The following METAP1D variants were observed in gnomAD, a reference collection of about 807,000 sequenced individuals.
METAP1D encodes methionine aminopeptidase 1D, mitochondrial.
In METAP1D, 31 loss-of-function variants were observed where a neutral mutation model predicts 40.5. The observed-to-expected ratio is 0.77, with a 90% CI of 0.58 to 1.03. The LOEUF is 1.03. METAP1D is among the 50% of genes least tolerant of loss of function. The pLI, the probability that METAP1D is intolerant of heterozygous loss-of-function variation, is 0.00. For synonymous variants in METAP1D, 151 were observed against 146.4 expected, an observed-to-expected ratio of 1.03 and a Z score of -0.22; for missense variants, 411 against 420.7, an observed-to-expected ratio of 0.98 and a Z score of 0.20.
At chr2:172,013,265 C>A (rs1431189456) in intron 1 of METAP1D, among the ~76,000 whole-genome samples, 1 of 152,178 alleles carries the variant, frequency 6.6e-6, no homozygotes, top group Non-Finnish European at 1.5e-5. Flanking sequence ...TTCAGGTCCA[C>A]CCCCTCCTGC....
In METAP1D at chr2:172,000,007, G is replaced by A; in HGVS notation, c.38G>A (p.Arg13Lys). 1 of 1,336,880 alleles carries A rather than the reference G, an allele frequency of 7.5e-7. No homozygotes were observed. Among genetic ancestry groups the A allele is most frequent in the South Asian group, 1.9e-5 (1 of 51,908 alleles). 82.8% of individuals were successfully genotyped at this position (1,336,880 alleles called of 1,614,324 possible). The stretch of plus-strand genomic sequence containing the variant: ...AGTGGCGTCCACCTGCTCGTCCGCA[G>A]AGGTAAGCGCGTGGAGGAGAGCCCC... ...APSGVHLLVRRGSHRIFSSPL... is the reference protein window; with the variant it reads ...APSGVHLLVRKGSHRIFSSPL... Residue 13 changes from arginine to lysine, a missense_variant and splice_region_variant, in exon 1 of 10, where the codon AGA (arginine) becomes AAA (lysine). Transcript: ENST00000315796.
chr2:172,041,952 C>T (rs1490654406), intron 1 of METAP1D, among the ~76,000 whole-genome samples: 3 of 120,726 alleles, frequency 2.5e-5, no homozygotes, highest in African/African-American at 8.1e-5. Context: ...AGGTGCCCAC[C>T]ACTATGCCCA....
At chr2:172,028,510 T>C (rs1014722110) in intron 1 of METAP1D, among the ~76,000 whole-genome samples, 10 of 151,884 alleles carry the variant, frequency 6.6e-5, no homozygotes, top group African/African-American at 2.4e-4. Flanking sequence ...AGACTTTTTT[T>C]CCTACACATG....
rs536963946 is a variant in METAP1D at position 172,023,038 on chromosome 2, A to G, written c.40+23029A>G. Among the ~76,000 whole-genome samples the G allele has an allele frequency of 2.0e-5, 3 of 152,304 alleles. No homozygotes were observed. The East Asian group carries it at 5.8e-4, about 29-fold the overall frequency. On this transcript the variant is annotated intron_variant, in intron 1 of 9. Transcript: ENST00000315796. ...CTCGTCTCTACTAAAAATACAAAAA[A>G]TTAGCTGGGCGTGGTGGCACATGCC...
chr2:172,027,840 G>T (rs148608494), intron 1 of METAP1D, among the ~76,000 whole-genome samples: 86 of 152,248 alleles, frequency 5.6e-4, no homozygotes, highest in Non-Finnish European at 1.0e-3. Flanking sequence ...AGTTCTTTTG[G>T]TAAGAAAGTA....
intron 4 of METAP1D, among the ~76,000 whole-genome samples, 172 bp downstream of exon 4, chr2:172,065,924 A>G (rs1345320720): frequency 6.6e-6 from 1 of 152,254 alleles, no homozygotes; most frequent in Non-Finnish European, 1.5e-5. Flanking sequence ...TGGATACACC[A>G]CCACCATTTA....
At position 172,010,493 on chromosome 2, in the gene METAP1D, C is replaced by CTT. The variant is rs759651661; in HGVS notation, c.40+10503_40+10504dup. Among the ~76,000 whole-genome samples the CTT allele has an allele frequency of 5.6e-3, 502 of 88,962 alleles. 15 individuals are homozygous for CTT. Among genetic ancestry groups the CTT allele is most frequent in the African/African-American group, 0.017 (385 of 22,600 alleles). The allele number at this position is 88,962 out of a possible 152,430, so 58.4% of individuals were successfully genotyped here. A position where few individuals can be genotyped will look rare whatever the true frequency, so the allele number is the denominator to read the frequency against. On this transcript the variant is annotated intron_variant, in intron 1 of 9. Coordinates refer to ENST00000315796, the MANE Select transcript of METAP1D (RefSeq NM_199227.3). ...TTTTTTCCTTCTTTCCTTCTTTCCT[C>CTT]TTTTTTTTTTTTTTTTTTTTAACAG... is the stretch of plus-strand genomic sequence containing the variant.
intron 1 of METAP1D, among the ~76,000 whole-genome samples, chr2:172,035,413 C>T (rs1689355342): frequency 6.6e-6 from 1 of 152,132 alleles, no homozygotes; most frequent in South Asian, 2.1e-4. Context: ...ATCCTACCGC[C>T]TCCGCCTCCC....
chr2:172,030,102 T>A (rs141448299), intron 1 of METAP1D, among the ~76,000 whole-genome samples: 7,710 of 148,694 alleles, frequency 0.052, 728 homozygotes, highest in East Asian at 0.47. Context: ...TTATTTATTT[T>A]TTTTGAGGCA....
At chr2:172,062,261 G>C (rs1321939807) in intron 2 of METAP1D, among the ~76,000 whole-genome samples, 1 of 152,004 alleles carries the variant, frequency 6.6e-6, no homozygotes, top group Non-Finnish European at 1.5e-5. Flanking sequence ...AATATAGATT[G>C]GTCACAAAAA....
At chr2:172,010,446 C>T (rs1284073108) in intron 1 of METAP1D, among the ~76,000 whole-genome samples, 5 of 117,772 alleles carry the variant, frequency 4.2e-5, no homozygotes, top group African/African-American at 1.3e-4. Context: ...GCACCCAGCC[C>T]TTTTTTTTTT....
intron 1 of METAP1D, among the ~76,000 whole-genome samples, chr2:172,003,889 C>G (rs1386674220): frequency 6.6e-6 from 1 of 151,638 alleles, no homozygotes; most frequent in Non-Finnish European, 1.5e-5. Context: ...CTCAGCCTCC[C>G]GAGTAGCTGG....
At chr2:172,051,750 T>A (rs2105459455) in intron 1 of METAP1D, among the ~76,000 whole-genome samples, 1 of 152,302 alleles carries the variant, frequency 6.6e-6, no homozygotes, top group Non-Finnish European at 1.5e-5. Context: ...AGGCTGTAGA[T>A]GAATTCTGAC....
intron 1 of METAP1D, among the ~76,000 whole-genome samples, chr2:172,016,054 C>T (rs1489849283): frequency 2.8e-5 from 4 of 142,126 alleles, no homozygotes; most frequent in African/African-American, 5.3e-5. Context: ...GTCAGGAGTT[C>T]GAGATCGGCC....
chr2:172,069,568 C>CA (rs1690372716), intron 5 of METAP1D, among the ~76,000 whole-genome samples: 1 of 152,090 alleles, frequency 6.6e-6, no homozygotes, highest in Non-Finnish European at 1.5e-5. Context: ...CAAACTATTT[C>CA]AAAATTGTAA....
At chr2:172,000,382 C>G (rs1574079842) in intron 1 of METAP1D, among the ~76,000 whole-genome samples, 1 of 152,200 alleles carries the variant, frequency 6.6e-6, no homozygotes, top group South Asian at 2.1e-4. Flanking sequence ...ATCTGGACAC[C>G]CGGTTCCCTT....
At chr2:172,017,828 A>C (rs1688912252) in intron 1 of METAP1D, among the ~76,000 whole-genome samples, 1 of 152,056 alleles carries the variant, frequency 6.6e-6, no homozygotes, top group Admixed American at 6.6e-5. Flanking sequence ...TTAGTCCCAC[A>C]AAAGAAATTT....
At position 172,041,291 on chromosome 2, in the gene METAP1D, T is replaced by C. The variant is rs1328293769; in HGVS notation, c.41-20207T>C. Among the ~76,000 whole-genome samples the C allele has an allele frequency of 3.3e-5, 5 of 150,694 alleles. No individual in the cohort carries two copies. In the South Asian group the frequency reaches 1.1e-3, roughly 32 times the overall value. On this transcript the variant is annotated intron_variant, in intron 1 of 9. Transcript: ENST00000315796. ...CTGGCCAATATGGTGAATCCCTGTC[T>C]CTACTAAAAATACAAAAATTAGCTG...
chr2:172,047,036 TC>T (rs1481267057), intron 1 of METAP1D, among the ~76,000 whole-genome samples: 1 of 152,244 alleles, frequency 6.6e-6, no homozygotes, highest in Admixed American at 6.5e-5. Flanking sequence ...TTTTGTTTGT[TC>T]TGTTGGTAAT....
Sources: gnomAD v4.1 joint callset for allele counts (sites outside exome capture counted in the v4.1 genomes callset) on GRCh38, gnomAD v4.1.1 for gene constraint, MANE v1.5 for transcripts, NCBI Gene and HGNC (gene_info 2026-07-23, HGNC 2026-07-21) for gene names.